Variants in AQR observed in about 807,000 individuals in gnomAD.
The protein encoded by AQR is RNA helicase aquarius.
In AQR, 61 loss-of-function variants were observed where a neutral mutation model predicts 180.5. The observed-to-expected ratio is 0.34, with a 90% confidence interval of 0.28 to 0.42. AQR has a LOEUF of 0.42. AQR is among the 10% of genes least tolerant of loss of function. AQR has a pLI of 1.00. For synonymous variants in AQR, 551 were observed against 588.8 expected, an observed-to-expected ratio of 0.94 and a Z score of 0.93; for missense variants, 1,281 against 1,798.3, an observed-to-expected ratio of 0.71 and a Z score of 5.20.
At chr15:34,942,286 A>G (rs1251828488) in intron 6 of AQR, among the ~76,000 whole-genome samples, 1 of 152,232 alleles carries the variant, frequency 6.6e-6, no homozygotes, top group African/African-American at 2.4e-5. Flanking sequence ...GCAAATTCAT[A>G]TACTAATAAA....
intron 13 of AQR, among the ~76,000 whole-genome samples, chr15:34,924,599 T>G (rs1271376605): frequency 6.6e-6 from 1 of 151,980 alleles, no homozygotes; most frequent in East Asian, 1.9e-4. Flanking sequence ...ACGTGGCTAA[T>G]TTTTGTATTT....
intron 4 of AQR, among the ~76,000 whole-genome samples, chr15:34,950,529 AT>A (rs902273770): frequency 2.0e-5 from 3 of 151,930 alleles, no homozygotes; most frequent in Non-Finnish European, 4.4e-5. Context: ...AATTTCAGTG[AT>A]TTTTTATCTC....
intron 27 of AQR, among the ~76,000 whole-genome samples, chr15:34,879,691 T>C (rs770063271): frequency 6.6e-6 from 1 of 152,002 alleles, no homozygotes; most frequent in Admixed American, 6.6e-5. Context: ...TTGGTAACAA[T>C]AGGAATGGTT....
intron 23 of AQR, among the ~76,000 whole-genome samples, chr15:34,891,316 A>T (rs1893144386): frequency 6.6e-6 from 1 of 152,200 alleles, no homozygotes. Context: ...GATTGAATAA[A>T]AGTAAAAACA....
At chr15:34,870,976 A>G (rs1892808188) in intron 30 of AQR, 54 bp from the exon 31 acceptor site, 1 of 1,552,578 alleles carries the variant, frequency 6.4e-7, no homozygotes, top group Non-Finnish European at 8.8e-7. Flanking sequence ...TTTCAATTTT[A>G]TAGAGAAAAT....
intron 13 of AQR, among the ~76,000 whole-genome samples, chr15:34,924,111 A>T (rs1893721068): frequency 6.6e-6 from 1 of 152,102 alleles, no homozygotes; most frequent in Non-Finnish European, 1.5e-5. Flanking sequence ...TTCAGATTCT[A>T]CTCTGAAACT....
chr15:34,903,263 G>A (rs972612892), intron 19 of AQR, among the ~76,000 whole-genome samples: 1 of 152,170 alleles, frequency 6.6e-6, no homozygotes, highest in Non-Finnish European at 1.5e-5. Context: ...GAGGACACCA[G>A]AAGACAGATA....
At chr15:34,964,372 G>T in intron 1 of AQR, 82 bp from the exon 2 acceptor site, 1 of 1,187,672 alleles carries the variant, frequency 8.4e-7, no homozygotes, top group Admixed American at 1.9e-5. Context: ...GTGATAAGCG[G>T]TTTCTTAACA....
chr15:34,906,834 A>G (rs1160971354), intron 17 of AQR, 122 bp from the exon 18 acceptor site: 4 of 853,174 alleles, frequency 4.7e-6, no homozygotes, highest in Non-Finnish European at 7.0e-6. Context: ...TGAGTGACCA[A>G]TGATTATTAT....
intron 24 of AQR, among the ~76,000 whole-genome samples, chr15:34,888,926 T>C (rs1281242624): frequency 6.6e-6 from 1 of 152,200 alleles, no homozygotes; most frequent in African/African-American, 2.4e-5. Flanking sequence ...CAATCAAATA[T>C]GCAAACTAAC....
Position 34,884,581 on chromosome 15 carries a change from T to C in AQR, c.2971A>G (p.Met991Val), listed in dbSNP as rs748680738. Reference protein sequence around the residue: ...IFKGRSYEEDMEIAEGCFRHI... With the variant: ...IFKGRSYEEDVEIAEGCFRHI... ...CTGAAACATCCTTCAGCAATTTCCA[T>C]GTCTTCTTCATAAGATCTTCCTTTA... Residue 991 changes from methionine to valine, a missense_variant, in exon 26 of 35, where the codon ATG (methionine) becomes GTG (valine). Physicochemically the swap from Met to Val is conservative, Grantham distance 21 (BLOSUM62 1). Around this residue, in one of 9 missense-constraint regions of AQR, gnomAD observed 125 missense variants for 185.0 expected, o/e 0.68. Coordinates refer to ENST00000156471, the MANE Select transcript of AQR (RefSeq NM_014691.3). 4.1e-5 allele frequency: 66 copies of C among 1,603,750 alleles called. No individual in the cohort carries two copies. Among genetic ancestry groups the C allele is most frequent in the Non-Finnish European group, 5.2e-5 (61 of 1,177,618 alleles).
intron 5 of AQR, among the ~76,000 whole-genome samples, chr15:34,946,334 CT>C (rs1894112223): frequency 6.6e-6 from 1 of 152,172 alleles, no homozygotes; most frequent in African/African-American, 2.4e-5. Flanking sequence ...ACTTTGGTAA[CT>C]TTTTTTATTC....
intron 32 of AQR, among the ~76,000 whole-genome samples, chr15:34,866,991 A>C (rs1892745091): frequency 6.6e-6 from 1 of 152,156 alleles, no homozygotes; most frequent in Non-Finnish European, 1.5e-5. Context: ...TATAAAACTA[A>C]ATGGATGCTT....
chr15:34,899,691 T>C (rs1201133438), intron 20 of AQR, among the ~76,000 whole-genome samples: 2 of 151,714 alleles, frequency 1.3e-5, no homozygotes, highest in African/African-American at 2.4e-5. Context: ...TATATATATA[T>C]ATACAGTTGA....
chr15:34,867,705 TAATC>T (rs1404625652), intron 31 of AQR, 96 bp from the exon 32 acceptor site: 3 of 817,664 alleles, frequency 3.7e-6, no homozygotes, highest in Admixed American at 5.4e-5. Context: ...ATCTTATCCT[TAATC>T]AATCCCAAAA....
chr15:34,929,912 T>A (rs1893826185), intron 12 of AQR, among the ~76,000 whole-genome samples: 1 of 152,220 alleles, frequency 6.6e-6, no homozygotes, highest in Non-Finnish European at 1.5e-5. Context: ...ATCATATGTG[T>A]TCATCTTAAA....
chr15:34,937,317 G>A (rs1341154943), intron 9 of AQR, among the ~76,000 whole-genome samples: 3 of 152,070 alleles, frequency 2.0e-5, no homozygotes, highest in East Asian at 3.9e-4. Context: ...GAGCCACTGC[G>A]CCCGGCCAAA....
intron 13 of AQR, among the ~76,000 whole-genome samples, chr15:34,922,623 AGCTCACT>A (rs1297952631): frequency 6.6e-6 from 1 of 151,970 alleles, no homozygotes; most frequent in East Asian, 1.9e-4. Context: ...GGCAAGATAT[AGCTCACT>A]GCGGCCTCGA....
At chr15:34,931,026 C>G (rs1205648408) in intron 11 of AQR, among the ~76,000 whole-genome samples, 2 of 151,882 alleles carry the variant, frequency 1.3e-5, no homozygotes, top group South Asian at 4.1e-4. Flanking sequence ...TTAGTAGAGA[C>G]GGGGTTTCAC....
Sources: gnomAD v4.1 joint callset for allele counts (sites outside exome capture counted in the v4.1 genomes callset) on GRCh38, gnomAD v4.1.1 for gene constraint, gnomAD v4.1.1 regional missense constraint, MANE v1.5 for transcripts, NCBI Gene and HGNC (gene_info 2026-07-23, HGNC 2026-07-21) for gene names.